The following PPP1R12B variants were observed in gnomAD, a reference collection of about 807,000 sequenced individuals.
PPP1R12B encodes the protein protein phosphatase 1 regulatory subunit 12B.
PPP1R12B carries 76 observed loss-of-function variants against 126.1 expected under a neutral mutation model. The ratio of observed to expected loss-of-function variants is 0.60; its 90% CI spans 0.50 to 0.73. The LOEUF is 0.73. Among genes scored for constraint, PPP1R12B ranks in the 30% least tolerant of loss-of-function variants. The pLI, the probability that PPP1R12B is intolerant of heterozygous loss-of-function variation, is 0.00. For missense variants in PPP1R12B, 1,052 were observed against 1,205.1 expected (o/e 0.87, Z 1.88); for synonymous variants, 356 against 434.7 (o/e 0.82, Z 2.25).
chr1:202,397,557 A>G (rs565431792), intron 1 of PPP1R12B, among the ~76,000 whole-genome samples: 4 of 152,274 alleles, frequency 2.6e-5, no homozygotes, highest in African/African-American at 9.6e-5. Context: ...TCCCTTCCTT[A>G]GAGGACTTTT....
chr1:202,500,795 T>TATGTATTCAATACAA (rs1680143848), intron 18 of PPP1R12B, among the ~76,000 whole-genome samples: 1 of 152,254 alleles, frequency 6.6e-6, no homozygotes, highest in Non-Finnish European at 1.5e-5. Context: ...TCATTACATA[T>TATGTATTCAATACAA]TGCATATATG....
chr1:202,493,152 A>G lies in PPP1R12B; in HGVS notation c.1980A>G (p.Thr660=), dbSNP rs1390733628. 1 of 1,612,134 alleles carries G rather than the reference A, an allele frequency of 6.2e-7. No individual in the cohort carries two copies. ...CAGACCTTCAAGAAGCAGAAAGGAC[A>G]TTCAGCCGGTCGAGGGCAGAGAGGC... ...TLTDLQEAER[T]FSRSRAERQA... The change falls in exon 15 of 24, where the codon ACA becomes ACG. Residue 660 remains threonine (T), a synonymous_variant. Transcript: ENST00000608999.
chr1:202,404,663 C>G (rs994455800), intron 1 of PPP1R12B, among the ~76,000 whole-genome samples: 2 of 151,938 alleles, frequency 1.3e-5, no homozygotes, highest in African/African-American at 4.8e-5. Flanking sequence ...CCACGCCTGG[C>G]TAATTTTTTG....
At chr1:202,392,517 CT>C (rs909438166) in intron 1 of PPP1R12B, among the ~76,000 whole-genome samples, 5 of 145,910 alleles carry the variant, frequency 3.4e-5, no homozygotes, top group East Asian at 2.0e-4. Context: ...TACAGGACTT[CT>C]TTTTTTTTTC....
intron 13 of PPP1R12B, among the ~76,000 whole-genome samples, chr1:202,466,301 C>T (rs1279187224): frequency 3.3e-5 from 5 of 151,990 alleles, no homozygotes; most frequent in Non-Finnish European, 5.9e-5. Context: ...TACTAAATTC[C>T]TTAGTCACTT....
At chr1:202,439,943 C>CAA (rs746216974) in intron 10 of PPP1R12B, 14 of 120,262 alleles carry the variant, frequency 1.2e-4, no homozygotes, top group South Asian at 5.0e-4. Flanking sequence ...TCCTACCCTG[C>CAA]AAAAAAAAAA....
At chr1:202,487,616 C>CTT (rs1171061773) in intron 13 of PPP1R12B, among the ~76,000 whole-genome samples, 6 of 135,712 alleles carry the variant, frequency 4.4e-5, no homozygotes, top group African/African-American at 1.6e-4. Context: ...TTTTTTTTTT[C>CTT]TTTTTTTTGG....
At chr1:202,499,315 T>C (rs1679936215) in intron 18 of PPP1R12B, among the ~76,000 whole-genome samples, 1 of 152,180 alleles carries the variant, frequency 6.6e-6, no homozygotes. Context: ...AGTGCAGTGA[T>C]GTAGTCATGG....
chr1:202,429,743 C>T (rs535731738), intron 6 of PPP1R12B, among the ~76,000 whole-genome samples: 7 of 152,216 alleles, frequency 4.6e-5, no homozygotes, highest in Admixed American at 2.0e-4. Context: ...TTCTTTTGCA[C>T]GTGCTGTCAC....
chr1:202,555,597 T>C (rs1442187501), intron 18 of PPP1R12B, among the ~76,000 whole-genome samples: 2 of 151,794 alleles, frequency 1.3e-5, no homozygotes, highest in Non-Finnish European at 2.9e-5. Context: ...CCTAGTTCAA[T>C]AGGAGGAGGA....
rs960307497 is a variant in PPP1R12B at position 202,565,584 on chromosome 1, C to T, written c.2757+1037C>T. Among the ~76,000 whole-genome samples the T allele has an allele frequency of 2.0e-5, 3 of 152,108 alleles. No homozygotes were observed. Among genetic ancestry groups the T allele is most frequent in the African/African-American group, 4.8e-5 (2 of 41,396 alleles). On this transcript the variant is annotated intron_variant, in intron 21 of 23. Coordinates refer to ENST00000608999, the MANE Select transcript of PPP1R12B (RefSeq NM_002481.4). The surrounding 1 kb of genome is among the most constrained non-coding windows in gnomAD (Gnocchi z 4.3). ...CTTGGAAGACAGCCCCACAGAGCTG[C>T]GTAGGACTCCAGCAAGACAGCCAGG...
chr1:202,524,663 A>G (rs1394835134), intron 18 of PPP1R12B, among the ~76,000 whole-genome samples: 3 of 152,140 alleles, frequency 2.0e-5, no homozygotes, highest in African/African-American at 4.8e-5. Context: ...ATGGTCTCCA[A>G]TTCCATCCAA....
chr1:202,408,843 CTTT>C (rs35632865), intron 1 of PPP1R12B, among the ~76,000 whole-genome samples: 11 of 113,330 alleles, frequency 9.7e-5, no homozygotes, highest in Admixed American at 3.0e-4. Flanking sequence ...TTATTTCTTT[CTTT>C]TTTTTTTTTT....
At chr1:202,485,341 A>C (rs1027239624) in intron 13 of PPP1R12B, among the ~76,000 whole-genome samples, 3 of 140,120 alleles carry the variant, frequency 2.1e-5, no homozygotes, top group East Asian at 2.4e-4. Context: ...ACTGGACTAC[A>C]GGGAAGGGCA....
At chr1:202,531,777 A>T (rs982977546) in intron 18 of PPP1R12B, among the ~76,000 whole-genome samples, 1 of 152,172 alleles carries the variant, frequency 6.6e-6, no homozygotes, top group Non-Finnish European at 1.5e-5. Flanking sequence ...AGGACGAGGC[A>T]GAGACATTTT....
intron 13 of PPP1R12B, among the ~76,000 whole-genome samples, chr1:202,454,939 T>C (rs1673432858): frequency 6.6e-6 from 1 of 151,882 alleles, no homozygotes; most frequent in Non-Finnish European, 1.5e-5. Flanking sequence ...AAAAAAGATT[T>C]CCCTTCTCCT....
chr1:202,485,007 T>G (rs924173545), intron 13 of PPP1R12B, among the ~76,000 whole-genome samples: 6 of 152,314 alleles, frequency 3.9e-5, no homozygotes, highest in African/African-American at 1.4e-4. Flanking sequence ...TGGGTGGTTC[T>G]GCAGCGGTCT....
chr1:202,566,504 C>T (rs1304867187), intron 21 of PPP1R12B, among the ~76,000 whole-genome samples: 5 of 152,130 alleles, frequency 3.3e-5, no homozygotes, highest in Non-Finnish European at 5.9e-5. Flanking sequence ...AAAAGATCCA[C>T]CCCAACTCTA....
chr1:202,526,376 A>G (rs1273780450), intron 18 of PPP1R12B, among the ~76,000 whole-genome samples: 3 of 152,208 alleles, frequency 2.0e-5, no homozygotes, highest in African/African-American at 7.2e-5. Context: ...TAAATGGACT[A>G]GGGAAGTATC....
Sources: gnomAD v4.1 joint callset for allele counts (sites outside exome capture counted in the v4.1 genomes callset) on GRCh38, gnomAD v4.1.1 for gene constraint, Gnocchi (gnomAD v3.1) non-coding constraint, MANE v1.5 for transcripts, NCBI Gene and HGNC (gene_info 2026-07-23, HGNC 2026-07-21) for gene names.